The following RELN variants were observed in gnomAD, a reference collection of about 807,000 sequenced individuals.
RELN encodes the protein reelin.
A neutral mutation model predicts 427.6 loss-of-function variants in RELN; 108 were observed. The ratio of observed to expected loss-of-function variants is 0.25; its 90% CI spans 0.22 to 0.30. The LOEUF (loss-of-function observed/expected upper bound fraction) is 0.30, where lower values mean the gene tolerates loss of function less well. Among genes scored for constraint, RELN ranks in the 10% least tolerant of loss-of-function variants. The pLI, the probability that RELN is intolerant of heterozygous loss-of-function variation, is 1.00. For synonymous variants in RELN, 1,524 were observed against 1,513.4 expected, an observed-to-expected ratio of 1.01 and a Z score of -0.16; for missense variants, 3,715 against 4,302.8, an observed-to-expected ratio of 0.86 and a Z score of 3.82.
intron 46 of RELN, among the ~76,000 whole-genome samples, chr7:103,530,658 C>A (rs1369930940): frequency 6.6e-6 from 1 of 152,158 alleles, no homozygotes; most frequent in Non-Finnish European, 1.5e-5. Flanking sequence ...ATCGGCAACT[C>A]ATGTGCTTCC....
chr7:103,640,601 C>T lies in RELN; in HGVS notation c.2011G>A (p.Gly671Ser). The T allele has an allele frequency of 6.2e-7, 1 of 1,613,604 alleles. No homozygotes were observed. The change falls in exon 17 of 65, where the codon GGC becomes AGC. Residue 671 changes from glycine to serine, a missense_variant. Transcript: ENST00000428762. The surrounding 1 kb of genome is among the most constrained non-coding windows in gnomAD (Gnocchi z 4.1). ...NMWAIDNVYI[G>S]PSCLKFCSGR... is the part of the protein sequence containing the mutation. ...GAACAGAATTTGAGACATGACGGGC[C>T]AATATAAACTGTGGGAGGGAAAAAG...
chr7:103,693,608 G>C (rs1213548940), intron 10 of RELN, among the ~76,000 whole-genome samples: 1 of 151,840 alleles, frequency 6.6e-6, no homozygotes, highest in Non-Finnish European at 1.5e-5. Flanking sequence ...AAGAAAATTA[G>C]GCTGGATAAA....
intron 2 of RELN, among the ~76,000 whole-genome samples, chr7:103,869,213 A>G (rs1794271079): frequency 6.6e-6 from 1 of 152,078 alleles, no homozygotes; most frequent in South Asian, 2.1e-4. Context: ...TCAGGTGTGA[A>G]GTGATACAAT....
Position 103,500,764 on chromosome 7 carries a change from T to C in RELN, c.8648A>G (p.Tyr2883Cys). 1 of 1,614,116 alleles carries C rather than the reference T, an allele frequency of 6.2e-7. No individual in the cohort carries two copies. Among genetic ancestry groups the C allele is most frequent in the Non-Finnish European group, 8.5e-7 (1 of 1,179,978 alleles). The change falls in exon 53 of 65, where the codon TAC (tyrosine) becomes TGC (cysteine). Residue 2883 changes from tyrosine to cysteine, a missense_variant. Tyr to Cys is a radical substitution (Grantham distance 194). Transcript: ENST00000428762. ...CDPGYSGPNC[Y>C]LTHTLKTFLK... ...CCTTACCTTCAGAGTGTGGGTCAAGTAGCAGTTTGGCCCTGAGTATCCCGG... is the reference window on the plus strand; with the variant it reads ...CCTTACCTTCAGAGTGTGGGTCAAGCAGCAGTTTGGCCCTGAGTATCCCGG...
At chr7:103,585,894 G>C (rs956637411) in intron 28 of RELN, among the ~76,000 whole-genome samples, 1 of 152,182 alleles carries the variant, frequency 6.6e-6, no homozygotes, top group African/African-American at 2.4e-5. Flanking sequence ...TGTAAGGATA[G>C]TTCAACACAC....
chr7:103,570,469 C>T (rs1422287667), intron 31 of RELN, among the ~76,000 whole-genome samples: 2 of 152,228 alleles, frequency 1.3e-5, no homozygotes, highest in Admixed American at 6.5e-5. Context: ...TTACTTTCCA[C>T]CTCATCAGCC....
chr7:103,654,227 A>G, intron 12 of RELN, 22 bp from the exon 13 acceptor site: 1 of 1,290,144 alleles, frequency 7.8e-7, no homozygotes, highest in Non-Finnish European at 1.1e-6. Context: ...AAAAATTTTA[A>G]GTTGCTAGTA....
At chr7:103,832,841 T>C (rs1265898849) in intron 3 of RELN, among the ~76,000 whole-genome samples, 8 of 152,146 alleles carry the variant, frequency 5.3e-5, no homozygotes, top group Non-Finnish European at 1.0e-4. Context: ...TTGGCACTAA[T>C]GGCCAGAAAG....
At chr7:103,970,298 A>G (rs1444907134) in intron 1 of RELN, among the ~76,000 whole-genome samples, 3 of 151,560 alleles carry the variant, frequency 2.0e-5, no homozygotes, top group African/African-American at 7.3e-5. Context: ...ACATACCACC[A>G]TGCCGGGCTA....
At chr7:103,699,269 A>G (rs1450809473) in intron 9 of RELN, among the ~76,000 whole-genome samples, 1 of 152,162 alleles carries the variant, frequency 6.6e-6, no homozygotes, top group Non-Finnish European at 1.5e-5. Flanking sequence ...AATGAAGCAC[A>G]TATATATCCG....
Position 103,572,225 on chromosome 7 carries a change from G to A in RELN, c.4547C>T (p.Thr1516Ile), listed in dbSNP as rs1584306888. Residue 1516 changes from threonine to isoleucine, a missense_variant, in exon 31 of 65, where the codon ACT becomes ATT. Physicochemically the swap from Thr to Ile is moderately conservative, Grantham distance 89. Transcript: ENST00000428762. ...TGGTTTGATGCAGGTAATGCCTGAA[G>A]TTTTGCTTCCAATTTGTATATAAAA... ...VQFYIQIGSK[T>I]SGITCIKPRT... The A allele has an allele frequency of 6.3e-7, 1 of 1,595,260 alleles. No homozygotes were observed. Among genetic ancestry groups the A allele is most frequent in the Non-Finnish European group, 8.6e-7 (1 of 1,162,792 alleles).
intron 41 of RELN, among the ~76,000 whole-genome samples, chr7:103,546,134 C>T (rs143969942): frequency 1.3e-5 from 2 of 152,290 alleles, no homozygotes; most frequent in African/African-American, 2.4e-5. Context: ...ACCCCATGCC[C>T]ACTGAACAGT....
chr7:103,586,332 C>T (rs1831270096), intron 28 of RELN, among the ~76,000 whole-genome samples: 1 of 151,940 alleles, frequency 6.6e-6, no homozygotes, highest in Non-Finnish European at 1.5e-5. Flanking sequence ...CATTGCACTC[C>T]AGCCTGGGCG....
chr7:103,910,646 A>G (rs1357141121), intron 2 of RELN, among the ~76,000 whole-genome samples: 1 of 138,822 alleles, frequency 7.2e-6, no homozygotes, highest in Non-Finnish European at 1.5e-5. Flanking sequence ...TACTGGTACC[A>G]AAACAGAGAT....
intron 3 of RELN, among the ~76,000 whole-genome samples, chr7:103,803,538 T>C (rs1341280089): frequency 2.0e-5 from 3 of 152,126 alleles, no homozygotes; most frequent in Non-Finnish European, 4.4e-5. Context: ...GGTTGTCCAA[T>C]GGTTGATTAA....
At chr7:103,978,606 G>A (rs897548226) in intron 1 of RELN, among the ~76,000 whole-genome samples, 32 of 152,154 alleles carry the variant, frequency 2.1e-4, no homozygotes, top group Admixed American at 1.8e-3. Context: ...TAAGCAATAC[G>A]TGTCAAATCA....
chr7:103,618,288 T>C (rs1025521473), intron 20 of RELN, among the ~76,000 whole-genome samples: 1 of 152,378 alleles, frequency 6.6e-6, no homozygotes, highest in South Asian at 2.1e-4. Flanking sequence ...CCCCATTCTA[T>C]GGTATTCAAT....
chr7:103,485,410 A>G (rs921272456), intron 61 of RELN, among the ~76,000 whole-genome samples: 4 of 152,218 alleles, frequency 2.6e-5, no homozygotes, highest in Non-Finnish European at 2.9e-5. Flanking sequence ...CATGTAAACT[A>G]TCTTCCCATT....
In RELN at chr7:103,888,818, A is replaced by C. The variant is rs143832970; in HGVS notation, c.337+28257T>G. ...CCCCACTTGTCAGGAGGCTTAAAGC[A>C]CAAACTACACAACACTGCGAGGCAG... On this transcript the variant is annotated intron_variant, in intron 2 of 64. Transcript: ENST00000428762. Among the ~76,000 whole-genome samples, 23 of 152,306 alleles carry C rather than the reference A, an allele frequency of 1.5e-4. No homozygotes were observed. In the East Asian group the frequency reaches 4.3e-3, roughly 28 times the overall value.
Sources: gnomAD v4.1 joint callset for allele counts (sites outside exome capture counted in the v4.1 genomes callset) on GRCh38, gnomAD v4.1.1 for gene constraint, Gnocchi (gnomAD v3.1) non-coding constraint, MANE v1.5 for transcripts, NCBI Gene and HGNC (gene_info 2026-07-23, HGNC 2026-07-21) for gene names.